The following MYRIP variants were observed in gnomAD, a reference collection of about 807,000 sequenced individuals.
MYRIP encodes the protein rab effector MyRIP.
MYRIP carries 49 observed loss-of-function variants against 98.0 expected under a neutral mutation model. The ratio of observed to expected loss-of-function variants is 0.50; its 90% CI spans 0.40 to 0.63. The LOEUF is 0.63. Ranked by LOEUF, MYRIP falls within the 30% of genes least tolerant of loss-of-function variation. The probability of loss-of-function intolerance (pLI) is 0.00; values close to 1 mark genes in which losing one functional copy is unlikely to be tolerated. For synonymous variants in MYRIP, 404 were observed against 409.5 expected (o/e 0.99, Z 0.16); for missense variants, 1,004 against 1,058.2 (o/e 0.95, Z 0.71).
At chr3:40,048,606 A>G (rs890387176) in intron 3 of MYRIP, among the ~76,000 whole-genome samples, 1 of 152,152 alleles carries the variant, frequency 6.6e-6, no homozygotes, top group African/African-American at 2.4e-5. Flanking sequence ...GTGGTAACCT[A>G]TAACTTTAAC....
Position 40,161,869 on chromosome 3 carries a change from T to C in MYRIP, c.470-861T>C, listed in dbSNP as rs1210938203. Among the ~76,000 whole-genome samples, 5 of 152,268 alleles carry C rather than the reference T, an allele frequency of 3.3e-5. No homozygotes were observed. The East Asian group carries it at 5.8e-4, about 18-fold the overall frequency. On this transcript the variant is annotated intron_variant, in intron 4 of 16. Transcript: ENST00000302541. ...CTTACCAGGTCATCTCTGTGAAACCTTTAAGGGCTTCACATGGCTGTTGGG... is the reference window on the plus strand; with the variant it reads ...CTTACCAGGTCATCTCTGTGAAACCCTTAAGGGCTTCACATGGCTGTTGGG...
chr3:40,130,394 T>G (rs1422391628), intron 3 of MYRIP, among the ~76,000 whole-genome samples: 1 of 151,602 alleles, frequency 6.6e-6, no homozygotes, highest in Admixed American at 6.6e-5. Flanking sequence ...TTTTTTTTTT[T>G]TGAGACGGAG....
chr3:40,057,191 TTC>T (rs1436167198), intron 3 of MYRIP, among the ~76,000 whole-genome samples: 6 of 152,064 alleles, frequency 3.9e-5, no homozygotes, highest in African/African-American at 1.4e-4. Context: ...ATCTACTAGA[TTC>T]TGGTAAGCTC....
At chr3:39,969,302 A>G (rs771395917) in intron 2 of MYRIP, among the ~76,000 whole-genome samples, 5 of 151,966 alleles carry the variant, frequency 3.3e-5, no homozygotes, top group Non-Finnish European at 7.4e-5. Context: ...TCCTATTTGG[A>G]TCCCCTTTAT....
intron 8 of MYRIP, among the ~76,000 whole-genome samples, 193 bp from the exon 9 acceptor site, chr3:40,182,027 T>C (rs982119039): frequency 1.3e-5 from 2 of 152,244 alleles, no homozygotes; most frequent in Non-Finnish European, 2.9e-5. Context: ...TAGGCCTGGC[T>C]GACTTGCAAG....
At chr3:39,934,907 T>C (rs1477709576) in intron 2 of MYRIP, among the ~76,000 whole-genome samples, 4 of 152,162 alleles carry the variant, frequency 2.6e-5, no homozygotes, top group African/African-American at 9.7e-5. Flanking sequence ...ACCTCCCCTC[T>C]AGTCCCACAC....
chr3:40,087,435 C>T (rs996877888), intron 3 of MYRIP, among the ~76,000 whole-genome samples: 1 of 152,002 alleles, frequency 6.6e-6, no homozygotes, highest in African/African-American at 2.4e-5. Context: ...ATCAACAGAA[C>T]AAAGAATACA....
At chr3:39,876,430 C>G (rs986423417) in intron 1 of MYRIP, among the ~76,000 whole-genome samples, 5 of 152,184 alleles carry the variant, frequency 3.3e-5, no homozygotes, top group Non-Finnish European at 5.9e-5. Flanking sequence ...CAGTTTCTTC[C>G]TAGCCTCGAT....
chr3:39,906,946 A>G (rs1943893898), intron 2 of MYRIP, among the ~76,000 whole-genome samples: 1 of 152,214 alleles, frequency 6.6e-6, no homozygotes, highest in Non-Finnish European at 1.5e-5. Flanking sequence ...ATCCAGGTTC[A>G]GTGTGATTAG....
In MYRIP at chr3:40,137,081, C is replaced by A. The variant is rs191253827; in HGVS notation, c.333-13967C>A. ...AGACACAAAAAACCCTTCAAAAAAT[C>A]AATGAATCCAGTAGCTGGTTTTTTG... is the stretch of plus-strand genomic sequence containing the variant. On this transcript the variant is annotated intron_variant, in intron 3 of 16. Transcript: ENST00000302541. Among the ~76,000 whole-genome samples, 117 of 152,170 alleles carry A rather than the reference C, an allele frequency of 7.7e-4. No homozygotes were observed. The Middle Eastern group carries it at 0.01, about 13-fold the overall frequency.
At chr3:39,815,097 A>G (rs1940855368) in intron 1 of MYRIP, among the ~76,000 whole-genome samples, 1 of 152,174 alleles carries the variant, frequency 6.6e-6, no homozygotes, top group African/African-American at 2.4e-5. Context: ...CCATCAACAC[A>G]ATCTAATTTT....
intron 2 of MYRIP, among the ~76,000 whole-genome samples, chr3:40,003,744 T>C (rs1946572851): frequency 2.6e-5 from 4 of 152,212 alleles, no homozygotes; most frequent in Admixed American, 2.6e-4. Flanking sequence ...TCCACATTCA[T>C]TTAGTATTGG....
chr3:40,078,230 G>GCCAAGC (rs1559390835), intron 3 of MYRIP, among the ~76,000 whole-genome samples: 1 of 152,222 alleles, frequency 6.6e-6, no homozygotes. Context: ...AGTGCGGCCC[G>GCCAAGC]CCAAGCCCAC....
intron 1 of MYRIP, among the ~76,000 whole-genome samples, chr3:39,852,672 T>C (rs1942167224): frequency 6.6e-6 from 1 of 152,178 alleles, no homozygotes; most frequent in Admixed American, 6.5e-5. Context: ...CTTAGAATAA[T>C]GGTCCCCAAC....
At chr3:39,844,878 A>G (rs1941913071) in intron 1 of MYRIP, among the ~76,000 whole-genome samples, 1 of 152,208 alleles carries the variant, frequency 6.6e-6, no homozygotes, top group Admixed American at 6.5e-5. Context: ...TGCATACGGG[A>G]CAGAGCAGCT....
intron 10 of MYRIP, among the ~76,000 whole-genome samples, chr3:40,205,379 C>T (rs185374977): frequency 9.2e-5 from 14 of 152,154 alleles, no homozygotes; most frequent in East Asian, 1.9e-4. Context: ...CCTTCCCTGG[C>T]GTAAAATGCT....
At chr3:40,110,057 C>A (rs1330321716) in intron 3 of MYRIP, among the ~76,000 whole-genome samples, 3 of 152,158 alleles carry the variant, frequency 2.0e-5, no homozygotes, top group East Asian at 3.9e-4. Flanking sequence ...CTGATGCCCA[C>A]CATGGGCCTT....
intron 2 of MYRIP, among the ~76,000 whole-genome samples, chr3:39,977,974 T>A (rs989494008): frequency 6.6e-6 from 1 of 151,614 alleles, no homozygotes; most frequent in Non-Finnish European, 1.5e-5. Context: ...AGGGTAAATG[T>A]CATCACATAT....
At chr3:40,110,798 T>G (rs1484793401) in intron 3 of MYRIP, among the ~76,000 whole-genome samples, 3 of 152,012 alleles carry the variant, frequency 2.0e-5, no homozygotes, top group African/African-American at 7.3e-5. Context: ...ACCTCCCTAT[T>G]CTATTCTCAA....
Sources: allele counts gnomAD v4.1 joint callset (sites outside exome capture counted in the v4.1 genomes callset), GRCh38; gene constraint gnomAD v4.1.1; transcripts MANE v1.5; gene names NCBI Gene and HGNC (gene_info 2026-07-23, HGNC 2026-07-21).